Variants in CDH4 observed in about 807,000 individuals in gnomAD.
The protein encoded by CDH4 is cadherin-4.
Under a neutral mutation model 86.0 loss-of-function variants are expected in CDH4, and 33 were observed. The observed-to-expected ratio is 0.38, with a 90% CI of 0.29 to 0.51. CDH4 has a LOEUF of 0.51. CDH4 is among the 20% of genes least tolerant of loss of function. The probability of loss-of-function intolerance (pLI) is 0.86; values close to 1 mark genes in which losing one functional copy is unlikely to be tolerated. For synonymous variants in CDH4, 555 were observed against 549.4 expected (o/e 1.01, Z -0.14); for missense variants, 1,114 against 1,307.4 (o/e 0.85, Z 2.28).
At chr20:61,470,935 T>C (rs2085498495) in intron 2 of CDH4, among the ~76,000 whole-genome samples, 1 of 152,182 alleles carries the variant, frequency 6.6e-6, no homozygotes, top group Non-Finnish European at 1.5e-5. Context: ...GAAATTGGTT[T>C]GCTAGTATTT....
chr20:61,726,705 T>C (rs1256129936), intron 2 of CDH4, among the ~76,000 whole-genome samples: 1 of 147,066 alleles, frequency 6.8e-6, no homozygotes, highest in Non-Finnish European at 1.5e-5. Flanking sequence ...CCATTGGTGC[T>C]ATCATCATCA....
chr20:61,349,069 C>T (rs775497904), intron 2 of CDH4, among the ~76,000 whole-genome samples: 2 of 152,186 alleles, frequency 1.3e-5, no homozygotes, highest in African/African-American at 2.4e-5. Context: ...TTATGCTGTG[C>T]GGCCCCAGCA....
intron 2 of CDH4, among the ~76,000 whole-genome samples, chr20:61,287,953 A>G (rs994699860): frequency 6.6e-6 from 1 of 152,210 alleles, no homozygotes; most frequent in Non-Finnish European, 1.5e-5. Context: ...CTTGCACCCC[A>G]GAGTGTGGTG....
chr20:61,813,004 C>T (rs1052279436), intron 4 of CDH4, among the ~76,000 whole-genome samples: 10 of 152,202 alleles, frequency 6.6e-5, no homozygotes, highest in African/African-American at 2.2e-4. Flanking sequence ...CGAGGCTCTC[C>T]GGGCCGCAGG....
intron 13 of CDH4, among the ~76,000 whole-genome samples, chr20:61,932,356 G>A (rs1387526935): frequency 3.3e-5 from 5 of 152,236 alleles, no homozygotes; most frequent in Non-Finnish European, 4.4e-5. Flanking sequence ...GCAGTGAGCT[G>A]GGGAGAGGGC....
rs181335850 is a variant in CDH4 at position 61,292,628 on chromosome 20, C to A, written c.169+37691C>A. 5.0e-3 allele frequency among the ~76,000 whole-genome samples: 763 copies of A among 152,332 alleles called. 8 individuals are homozygous for A. The highest frequency in any genetic ancestry group is 0.017 in the African/African-American group (725 of 41,578). On this transcript the variant is annotated intron_variant, in intron 2 of 15. Coordinates refer to ENST00000614565, the MANE Select transcript of CDH4 (RefSeq NM_001794.5). Reference sequence around the variant, plus strand: ...GCCCCACCACAGAGGACGGCCCAGCCCCAGCTGCCAACAGCACTGAGCCTT... The same window carrying A: ...GCCCCACCACAGAGGACGGCCCAGCACCAGCTGCCAACAGCACTGAGCCTT...
intron 2 of CDH4, among the ~76,000 whole-genome samples, chr20:61,294,835 G>A (rs969130571): frequency 4.6e-5 from 7 of 152,242 alleles, no homozygotes; most frequent in Non-Finnish European, 7.3e-5. Context: ...ATCTGGTCAC[G>A]GCGCTCGGTG....
At chr20:61,908,586 G>A (rs2054816839) in intron 8 of CDH4, among the ~76,000 whole-genome samples, 2 of 152,196 alleles carry the variant, frequency 1.3e-5, no homozygotes, top group South Asian at 4.1e-4. Context: ...TGGCAGACGC[G>A]GTCTGCTGGC....
intron 7 of CDH4, among the ~76,000 whole-genome samples, chr20:61,889,863 A>T (rs1384623281): frequency 2.1e-5 from 3 of 146,082 alleles, no homozygotes. Flanking sequence ...GGATGGATGG[A>T]TAGATGGATG....
At chr20:61,407,355 C>G (rs1421613112) in intron 2 of CDH4, among the ~76,000 whole-genome samples, 1 of 152,212 alleles carries the variant, frequency 6.6e-6, no homozygotes, top group Non-Finnish European at 1.5e-5. Flanking sequence ...TTCTCAGCAC[C>G]TGGCATCTAG....
chr20:61,715,194 A>ATT, intron 2 of CDH4, among the ~76,000 whole-genome samples: 1 of 152,230 alleles, frequency 6.6e-6, no homozygotes. Flanking sequence ...TGTGTTGGTC[A>ATT]TTTGTATATC....
Position 61,519,000 on chromosome 20 carries a change from C to T in CDH4, c.170-224563C>T, listed in dbSNP as rs143991951. ...TCCATCCTTCATCCATCCATTCATC[C>T]ATGCATTCCCAGGATGCACACTCAT... On this transcript the variant is annotated intron_variant, in intron 2 of 15. Coordinates refer to ENST00000614565, the MANE Select transcript of CDH4 (RefSeq NM_001794.5). This position sits in a 1 kb window ranked among gnomAD's most constrained non-coding sequence, Gnocchi z 6.3. Among the ~76,000 whole-genome samples the T allele has an allele frequency of 1.2e-3, 185 of 152,320 alleles. No individual in the cohort carries two copies. The highest frequency in any genetic ancestry group is 2.2e-3 in the Non-Finnish European group (148 of 68,024).
chr20:61,590,045 C>T (rs932460517), intron 2 of CDH4, among the ~76,000 whole-genome samples: 6 of 151,800 alleles, frequency 4.0e-5, no homozygotes, highest in Middle Eastern at 3.2e-3. Flanking sequence ...GGGAAGGACT[C>T]GGTGGGCTCC....
At chr20:61,712,704 A>G (rs2087906433) in intron 2 of CDH4, among the ~76,000 whole-genome samples, 1 of 152,228 alleles carries the variant, frequency 6.6e-6, no homozygotes, top group Non-Finnish European at 1.5e-5. Flanking sequence ...ATGAGTGCCC[A>G]GAAGGCAGCA....
intron 4 of CDH4, among the ~76,000 whole-genome samples, chr20:61,822,564 C>T (rs533544661): frequency 6.6e-6 from 1 of 152,292 alleles, no homozygotes; most frequent in Non-Finnish European, 1.5e-5. Flanking sequence ...AGCCACACGG[C>T]AGGGAGGGGA....
chr20:61,316,048 G>A (rs2084474701), intron 2 of CDH4, among the ~76,000 whole-genome samples: 1 of 152,164 alleles, frequency 6.6e-6, no homozygotes, highest in South Asian at 2.1e-4. Context: ...CTCTCCAGGG[G>A]GAGGAAGGAT....
At chr20:61,542,768 C>T (rs906757161) in intron 2 of CDH4, among the ~76,000 whole-genome samples, 2 of 152,086 alleles carry the variant, frequency 1.3e-5, no homozygotes, top group South Asian at 2.1e-4. Flanking sequence ...TCCAAAGGGA[C>T]AGAACTAATA....
At position 61,883,503 on chromosome 20, in the gene CDH4, C is replaced by T. The variant is rs923131473; in HGVS notation, c.1050+9603C>T. 9.8e-5 allele frequency among the ~76,000 whole-genome samples: 15 copies of T among 152,286 alleles called. 1 individual carries two copies. Among genetic ancestry groups the T allele is most frequent in the South Asian group, 4.1e-4 (2 of 4,824 alleles). On this transcript the variant is annotated intron_variant, in intron 7 of 15. Coordinates refer to ENST00000614565, the MANE Select transcript of CDH4 (RefSeq NM_001794.5). The stretch of plus-strand genomic sequence containing the variant: ...GCCCAGGACACCCCACAGCAGAGAA[C>T]GACCCAGCCCCAGGGCTGACAGTGC...
At chr20:61,742,732 C>T (rs568231219) in intron 2 of CDH4, among the ~76,000 whole-genome samples, 71 of 152,232 alleles carry the variant, frequency 4.7e-4, no homozygotes, top group African/African-American at 1.6e-3. Context: ...CTAATGTGTC[C>T]GGATGAATCT....
Sources: gnomAD v4.1 joint callset for allele counts (sites outside exome capture counted in the v4.1 genomes callset) on GRCh38, gnomAD v4.1.1 for gene constraint, Gnocchi (gnomAD v3.1) non-coding constraint, MANE v1.5 for transcripts, NCBI Gene and HGNC (gene_info 2026-07-23, HGNC 2026-07-21) for gene names.